The following PLXNA1 variants were observed in gnomAD, a reference collection of about 807,000 sequenced individuals.
The protein encoded by PLXNA1 is plexin-A1.
A neutral mutation model predicts 191.7 loss-of-function variants in PLXNA1; 77 were observed. That is an observed-to-expected ratio of 0.40 (90% CI 0.33 to 0.49). PLXNA1 has a LOEUF of 0.49. PLXNA1 is among the 20% of genes least tolerant of loss of function. The pLI is 0.63. For missense variants in PLXNA1, 2,110 were observed against 2,660.2 expected, an observed-to-expected ratio of 0.79 and a Z score of 4.55; for synonymous variants, 1,137 against 1,156.4, an observed-to-expected ratio of 0.98 and a Z score of 0.34.
At chr3:127,030,905 A>G (rs1165434353) in intron 29 of PLXNA1, among the ~76,000 whole-genome samples, 1 of 152,214 alleles carries the variant, frequency 6.6e-6, no homozygotes, top group Non-Finnish European at 1.5e-5. Context: ...CTCACGGAGC[A>G]GCTGGAGTAC....
At position 126,986,231 on chromosome 3, in the gene PLXNA1, G is replaced by A. The variant is rs187098287; in HGVS notation, c.-73-2290G>A. Among the ~76,000 whole-genome samples, 123 of 152,320 alleles carry A rather than the reference G, an allele frequency of 8.1e-4. 1 individual carries two copies. The East Asian group carries it at 0.021, about 26-fold the overall frequency. ...TCACATGTGCTCAGCTCCCAGCCCCGGCCCCACTGCCACTGTGAGGAGCCT... is the reference window on the plus strand; with the variant it reads ...TCACATGTGCTCAGCTCCCAGCCCCAGCCCCACTGCCACTGTGAGGAGCCT... On this transcript the variant is annotated intron_variant, in intron 1 of 31. Coordinates refer to ENST00000393409, the MANE Select transcript of PLXNA1 (RefSeq NM_032242.4).
At position 127,020,168 on chromosome 3, in the gene PLXNA1, G is replaced by C. The variant is rs1467122355; in HGVS notation, c.3896-34G>C. 4.4e-6 allele frequency: 7 copies of C among 1,608,002 alleles called. No homozygotes were observed. The African/African-American group carries it at 8.0e-5, about 18-fold the overall frequency. On this transcript the variant is annotated intron_variant, in intron 20 of 31. Transcript: ENST00000393409. Reference sequence around the variant, plus strand: ...TTGGGGCATGGAGCGGGGCCACCAGGGCATGCTGCCCCTGACGCCGCATCT... The same window carrying C: ...TTGGGGCATGGAGCGGGGCCACCAGCGCATGCTGCCCCTGACGCCGCATCT...
rs565208638 is a variant in PLXNA1 at position 127,014,752 on chromosome 3, A to G, written c.2798A>G (p.His933Arg). Residue 933 changes from histidine (H) to arginine (R), a missense_variant, in exon 14 of 32, where the codon CAT becomes CGT. Physicochemically the swap from His to Arg is conservative, Grantham distance 29. Coordinates refer to ENST00000393409, the MANE Select transcript of PLXNA1 (RefSeq NM_032242.4). ...EIGDASSVRAHDALVEVCVRD... is the reference protein window; with the variant it reads ...EIGDASSVRARDALVEVCVRD... The stretch of plus-strand genomic sequence containing the variant: ...GGGGACGCCAGCTCCGTGCGTGCCC[A>G]TGACGCCCTGGTGGAGGTGTGTGTG... The G allele has an allele frequency of 2.5e-6, 4 of 1,612,452 alleles. No homozygotes were observed. Among genetic ancestry groups the G allele is most frequent in the East Asian group, 2.2e-5 (1 of 44,866 alleles).
chr3:127,007,344 G>A (rs977356530), intron 8 of PLXNA1, among the ~76,000 whole-genome samples: 1 of 152,242 alleles, frequency 6.6e-6, no homozygotes, highest in African/African-American at 2.4e-5. Flanking sequence ...TTTCTGCAGG[G>A]AGGTGATGTG....
chr3:127,019,845 AC>A (rs2079143852), intron 20 of PLXNA1, among the ~76,000 whole-genome samples: 1 of 151,908 alleles, frequency 6.6e-6, no homozygotes, highest in Non-Finnish European at 1.5e-5. Context: ...CTGGGACCTC[AC>A]CCCTGGCCGC....
intron 25 of PLXNA1, 180 bp from the exon 26 acceptor site, chr3:127,028,813 G>A (rs939822617): frequency 1.7e-6 from 1 of 597,964 alleles, no homozygotes; most frequent in Admixed American, 3.0e-5. Flanking sequence ...AGATTGGGAG[G>A]GCTGTGGCAC....
At chr3:127,022,489 C>A in intron 22 of PLXNA1, 148 bp downstream of exon 22, 2 of 1,039,434 alleles carry the variant, frequency 1.9e-6, no homozygotes, top group South Asian at 1.6e-5. Context: ...GCTCAGCTGC[C>A]ACCTCCCTAG....
chr3:127,024,921 T>G (rs572074401), intron 23 of PLXNA1, among the ~76,000 whole-genome samples: 1 of 152,288 alleles, frequency 6.6e-6, no homozygotes, highest in Admixed American at 6.5e-5. Context: ...TGTTATTGTT[T>G]AGAGCAGTTC....
Position 127,037,054 on chromosome 3 carries a change from G to T in PLXNA1, c.*3037G>T, listed in dbSNP as rs1187297279. On this transcript the variant is annotated 3_prime_UTR_variant, in exon 32 of 32. Transcript: ENST00000393409. Reference sequence around the variant, plus strand: ...CCATCTCGGCTCGGCCTTGCTGAGAGCCTCCGCCCTGGCTTTCTCCCTGTC... The same window carrying T: ...CCATCTCGGCTCGGCCTTGCTGAGATCCTCCGCCCTGGCTTTCTCCCTGTC... 1 of 152,454 alleles carries T rather than the reference G, an allele frequency of 6.6e-6. No homozygotes were observed. The highest frequency in any genetic ancestry group is 6.5e-5 in the Admixed American group (1 of 15,292). 9.4% of individuals were successfully genotyped at this position (152,454 alleles called of 1,614,324 possible). A position where few individuals can be genotyped will look rare whatever the true frequency, so the allele number is the denominator to read the frequency against.
intron 26 of PLXNA1, 149 bp from the exon 27 acceptor site, chr3:127,029,291 C>A: frequency 1.2e-6 from 1 of 845,046 alleles, no homozygotes; most frequent in Non-Finnish European, 2.0e-6. Flanking sequence ...CATCCCTGGG[C>A]TGTCCTGATA....
At position 126,989,546 on chromosome 3, in the gene PLXNA1, G is replaced by T; in HGVS notation, c.953G>T (p.Ser318Ile). 6.2e-7 allele frequency: 1 copy of T among 1,613,240 alleles called. No individual in the cohort carries two copies. The highest frequency in any genetic ancestry group is 8.5e-7 in the Non-Finnish European group (1 of 1,180,040). ...EYRLVQDAYL[S>I]RPGRALAHQL... ...CGCCTGGTGCAGGATGCCTACCTGA[G>T]CCGGCCCGGCCGTGCCCTGGCCCAC... is the stretch of plus-strand genomic sequence containing the variant. Residue 318 changes from serine (S) to isoleucine (I), a missense_variant, in exon 2 of 32, where the codon AGC (serine) becomes ATC (isoleucine). Physicochemically the swap from Ser to Ile is moderately radical, Grantham distance 142. Transcript: ENST00000393409.
chr3:126,992,505 A>G (rs1425145593), intron 3 of PLXNA1, among the ~76,000 whole-genome samples: 1 of 152,050 alleles, frequency 6.6e-6, no homozygotes, highest in African/African-American at 2.4e-5. Flanking sequence ...CATCTCTGCC[A>G]TGGTAGTTGC....
intron 25 of PLXNA1, 127 bp from the exon 26 acceptor site, chr3:127,028,866 C>T (rs926695952): frequency 2.7e-5 from 18 of 655,596 alleles, no homozygotes; most frequent in Non-Finnish European, 4.0e-5. Context: ...GCAGCAGGGG[C>T]GGAGGTATGT....
chr3:126,992,585 C>T (rs1559954137), intron 3 of PLXNA1, among the ~76,000 whole-genome samples: 1 of 152,006 alleles, frequency 6.6e-6, no homozygotes, highest in Non-Finnish European at 1.5e-5. Context: ...CCTGCAGCCT[C>T]AGCTTCCCTC....
chr3:127,012,127 A>G lies in PLXNA1; in HGVS notation c.2282A>G (p.Asn761Ser). The change falls in exon 10 of 32, where the codon AAC becomes AGC. Residue 761 changes from asparagine to serine, a missense_variant. Asn to Ser is a conservative substitution (Grantham distance 46). This residue lies in a region of PLXNA1 where 644 missense variants were observed against 714.3 expected (regional missense o/e 0.90). Transcript: ENST00000393409. ...GCCCGTGTCACCGCCCTGCGCTTCA[A>G]CAGCTCCAGCCTGCAGTGCCAGAAT... ...SPARVTALRFNSSSLQCQNSS... is the reference protein window; with the variant it reads ...SPARVTALRFSSSSLQCQNSS... The G allele has an allele frequency of 1.2e-6, 2 of 1,612,834 alleles. No homozygotes were observed. The highest frequency in any genetic ancestry group is 2.7e-5 in the African/African-American group (2 of 75,044).
Position 127,018,036 on chromosome 3 carries a change from G to A in PLXNA1, c.3660+144G>A, listed in dbSNP as rs1021010159. 111 of 1,203,210 alleles carry A rather than the reference G, an allele frequency of 9.2e-5. No individual in the cohort carries two copies. In the East Asian group the frequency reaches 1.3e-3, roughly 14 times the overall value. The allele number at this position is 1,203,210 out of a possible 1,614,324, so 74.5% of individuals were successfully genotyped here. ...GCCCGGCTCCAGTGCAGGCCCTGCC[G>A]TAGCCTTCAGCCTGCCACCTCCTTG... On this transcript the variant is annotated intron_variant, in intron 19 of 31. Transcript: ENST00000393409.
intron 20 of PLXNA1, 148 bp from the exon 21 acceptor site, chr3:127,020,054 G>A: frequency 1.1e-6 from 1 of 923,250 alleles, no homozygotes; most frequent in South Asian, 1.6e-5. Flanking sequence ...TAGTAGCTGG[G>A]GGACGAAGAG....
intron 9 of PLXNA1, 95 bp downstream of exon 9, chr3:127,008,008 G>A: frequency 1.3e-6 from 1 of 781,294 alleles, no homozygotes; most frequent in South Asian, 1.8e-5. Flanking sequence ...CCTGGCCCAG[G>A]GAGCACCTGT....
rs750769186 is a variant in PLXNA1 at position 127,028,318 on chromosome 3, C to T, written c.4647C>T (p.Pro1549=). The T allele has an allele frequency of 3.1e-6, 5 of 1,611,788 alleles. No individual in the cohort carries two copies. In the African/African-American group the frequency reaches 4.0e-5, roughly 13 times the overall value. The change falls in exon 25 of 32, where the codon CCC becomes CCT. Residue 1549 remains proline (P), a synonymous_variant. Transcript: ENST00000393409. ...AYKGVPYSQR[P]KAADMDLEWR... ...AGGGCGTGCCCTACTCCCAGCGGCC[C>T]AAGGCCGCGGACATGGACCTGGGTG...
Sources: allele counts gnomAD v4.1 joint callset (sites outside exome capture counted in the v4.1 genomes callset), GRCh38; gene constraint gnomAD v4.1.1; regional missense constraint gnomAD v4.1.1; transcripts MANE v1.5; gene names NCBI Gene and HGNC (gene_info 2026-07-23, HGNC 2026-07-21).